DLGAP1: variants seen among roughly 807,000 people sequenced by gnomAD.
DLGAP1 encodes DLG associated protein 1, also known as disks large-associated protein 1.
Under a neutral mutation model 90.8 loss-of-function variants are expected in DLGAP1, and 11 were observed. That is an observed-to-expected ratio of 0.12 (90% CI 0.08 to 0.20). DLGAP1 has a LOEUF of 0.20. Ranked by LOEUF, DLGAP1 falls within the 10% of genes least tolerant of loss-of-function variation. The pLI, the probability that DLGAP1 is intolerant of heterozygous loss-of-function variation, is 1.00. For missense variants in DLGAP1, 1,050 were observed against 1,333.8 expected, an observed-to-expected ratio of 0.79 and a Z score of 3.31; for synonymous variants, 558 against 540.7, an observed-to-expected ratio of 1.03 and a Z score of -0.44.
intron 5 of DLGAP1, among the ~76,000 whole-genome samples, chr18:3,812,837 T>G (rs866840811): frequency 1.3e-5 from 2 of 152,240 alleles, no homozygotes; most frequent in South Asian, 2.1e-4. Context: ...TTTCCTTAAC[T>G]CGACTGCTTT....
At chr18:4,339,803 C>T (rs1477710006) in intron 1 of DLGAP1, among the ~76,000 whole-genome samples, 1 of 152,110 alleles carries the variant, frequency 6.6e-6, no homozygotes, top group East Asian at 1.9e-4. Flanking sequence ...TGTACAAGTC[C>T]TGCCAATGAA....
chr18:4,265,968 A>G (rs1420058363), intron 1 of DLGAP1, among the ~76,000 whole-genome samples: 1 of 151,938 alleles, frequency 6.6e-6, no homozygotes, highest in Non-Finnish European at 1.5e-5. Context: ...GATTACAGGC[A>G]TCACCCACCA....
At chr18:4,271,411 C>G (rs529966865) in intron 1 of DLGAP1, among the ~76,000 whole-genome samples, 1 of 152,118 alleles carries the variant, frequency 6.6e-6, no homozygotes, top group Non-Finnish European at 1.5e-5. Flanking sequence ...CTTAGAGAAA[C>G]ATATCATTTG....
chr18:4,420,311 T>C (rs2144674787), intron 1 of DLGAP1, among the ~76,000 whole-genome samples: 1 of 152,278 alleles, frequency 6.6e-6, no homozygotes, highest in Non-Finnish European at 1.5e-5. Context: ...ACCCGAGCAA[T>C]ATTATCAACC....
At position 4,078,124 on chromosome 18, in the gene DLGAP1, AG is replaced by A. The variant is rs374115402; in HGVS notation, c.-158-72924del. On this transcript the variant is annotated intron_variant, in intron 2 of 12. Transcript: ENST00000315677. ...AAGGGGACCTCTTCTCAGGGAAATA[AG>A]TTACTAAAGCTTTAGAGTTTTAGCA... Among the ~76,000 whole-genome samples the A allele has an allele frequency of 1.6e-3, 237 of 152,328 alleles. 4 individuals carry two copies. In the South Asian group the frequency reaches 0.029, roughly 19 times the overall value.
At chr18:4,446,978 G>C (rs1271502561) in intron 1 of DLGAP1, among the ~76,000 whole-genome samples, 3 of 152,134 alleles carry the variant, frequency 2.0e-5, no homozygotes, top group Non-Finnish European at 4.4e-5. Flanking sequence ...ACTACAATGA[G>C]ATATCATTTC....
chr18:4,138,255 C>T (rs1422063481), intron 2 of DLGAP1, among the ~76,000 whole-genome samples: 22 of 152,036 alleles, frequency 1.4e-4, no homozygotes, highest in Admixed American at 1.4e-3. Context: ...CTGTCGTACA[C>T]ACCTTTTATT....
chr18:4,189,338 A>G (rs770959123), intron 1 of DLGAP1, among the ~76,000 whole-genome samples: 8 of 152,162 alleles, frequency 5.3e-5, no homozygotes, highest in Admixed American at 1.3e-4. Flanking sequence ...AGACTATTAT[A>G]TAAGAACAGT....
At chr18:4,050,287 C>T (rs1303706632) in intron 2 of DLGAP1, among the ~76,000 whole-genome samples, 2 of 152,130 alleles carry the variant, frequency 1.3e-5, no homozygotes, top group African/African-American at 2.4e-5. Context: ...GCTATCATTC[C>T]AAGTCAGGAG....
chr18:4,055,199 CTGGACA>C (rs1176053003), intron 2 of DLGAP1, among the ~76,000 whole-genome samples: 1 of 152,170 alleles, frequency 6.6e-6, no homozygotes, highest in Non-Finnish European at 1.5e-5. Context: ...AGGGTTTCAT[CTGGACA>C]TGCATTTCCA....
intron 4 of DLGAP1, among the ~76,000 whole-genome samples, chr18:3,869,154 G>GTTTTTT (rs71368714): frequency 1.4e-5 from 2 of 141,912 alleles, no homozygotes; most frequent in Admixed American, 7.1e-5. Context: ...TGTGTATTGC[G>GTTTTTT]TTTTTTTTTT....
At chr18:3,567,391 G>T in intron 9 of DLGAP1, 99 bp downstream of exon 9, 1 of 1,045,002 alleles carries the variant, frequency 9.6e-7, no homozygotes, top group Non-Finnish European at 1.4e-6. Context: ...AAACTTAGAG[G>T]AAAATATCAT....
chr18:3,914,493 C>T (rs2072101278), intron 3 of DLGAP1, among the ~76,000 whole-genome samples: 1 of 152,156 alleles, frequency 6.6e-6, no homozygotes, highest in Non-Finnish European at 1.5e-5. Context: ...GTGAATAACC[C>T]TGCAGTGAAC....
intron 2 of DLGAP1, among the ~76,000 whole-genome samples, chr18:4,006,685 G>A (rs565435501): frequency 1.9e-4 from 28 of 146,308 alleles, no homozygotes; most frequent in East Asian, 1.6e-3. Context: ...TTGCTCTGTC[G>A]CCCAGGCTGG....
At chr18:3,914,901 A>G (rs1344922369) in intron 3 of DLGAP1, among the ~76,000 whole-genome samples, 1 of 152,036 alleles carries the variant, frequency 6.6e-6, no homozygotes, top group Non-Finnish European at 1.5e-5. Context: ...ATGCCATGAC[A>G]CCTGGCTAAT....
At chr18:3,523,425 A>T (rs558025202) in intron 10 of DLGAP1, among the ~76,000 whole-genome samples, 25 of 151,946 alleles carry the variant, frequency 1.6e-4, no homozygotes, top group East Asian at 1.4e-3. Flanking sequence ...GCATCCTACA[A>T]CCCGGGAAAA....
chr18:3,926,191 T>C (rs1221542935), intron 3 of DLGAP1, among the ~76,000 whole-genome samples: 1 of 152,212 alleles, frequency 6.6e-6, no homozygotes, highest in Non-Finnish European at 1.5e-5. Flanking sequence ...TCAGCATTAT[T>C]GACATTTGGG....
chr18:4,414,459 C>G (rs1440248161), intron 1 of DLGAP1, among the ~76,000 whole-genome samples: 1 of 152,156 alleles, frequency 6.6e-6, no homozygotes, highest in Non-Finnish European at 1.5e-5. Context: ...CATGCTGGTT[C>G]ATGCCTGTAA....
intron 1 of DLGAP1, among the ~76,000 whole-genome samples, chr18:4,328,822 T>C (rs1233251805): frequency 6.6e-6 from 1 of 152,004 alleles, no homozygotes; most frequent in Non-Finnish European, 1.5e-5. Context: ...TAGGTACTTA[T>C]TTGGCATTCA....
Sources: allele counts gnomAD v4.1 joint callset (sites outside exome capture counted in the v4.1 genomes callset), GRCh38; gene constraint gnomAD v4.1.1; transcripts MANE v1.5; gene names NCBI Gene and HGNC (gene_info 2026-07-23, HGNC 2026-07-21).